The following EPHA8 variants were observed in gnomAD, a reference collection of about 807,000 sequenced individuals.
EPHA8 encodes the protein ephrin type-A receptor 8.
Under a neutral mutation model 103.6 loss-of-function variants are expected in EPHA8, and 58 were observed. The ratio of observed to expected loss-of-function variants is 0.56; its 90% confidence interval spans 0.45 to 0.70. The LOEUF is 0.70. Among genes scored for constraint, EPHA8 ranks in the 30% least tolerant of loss-of-function variants. The probability of loss-of-function intolerance (pLI) is 0.00; values close to 1 mark genes in which losing one functional copy is unlikely to be tolerated. For synonymous variants in EPHA8, 559 were observed against 572.5 expected (o/e 0.98, Z 0.34); for missense variants, 1,304 against 1,395.2 (o/e 0.93, Z 1.04).
In EPHA8 at chr1:22,586,781, G is replaced by C. The variant is rs1041884941; in HGVS notation, c.979+146G>C. ...CTTGAGCCAGAGGCCAGTCTGAGGT[G>C]GGGGGGGTGACTCTGATCCCTCCAC... On this transcript the variant is annotated intron_variant, in intron 4 of 16. Coordinates refer to ENST00000166244, the MANE Select transcript of EPHA8 (RefSeq NM_020526.5). 24 of 898,676 alleles carry C rather than the reference G, an allele frequency of 2.7e-5. 1 individual carries two copies. In the South Asian group the frequency reaches 3.1e-4, roughly 12 times the overall value. The allele number at this position is 898,676 out of a possible 1,614,324, so 55.7% of individuals were successfully genotyped here.
Position 22,569,366 on chromosome 1 carries a change from C to A in EPHA8, c.159+13C>A. On this transcript the variant is annotated intron_variant, in intron 2 of 16. Coordinates refer to ENST00000166244, the MANE Select transcript of EPHA8 (RefSeq NM_020526.5). This position sits in a 1 kb window ranked among gnomAD's most constrained non-coding sequence, Gnocchi z 4.5. Reference sequence around the variant, plus strand: ...TCCGGCTCATGGGGTGAGTGATGGGCACTGGGGACAACGTCATCCCTCTGT... The same window carrying A: ...TCCGGCTCATGGGGTGAGTGATGGGAACTGGGGACAACGTCATCCCTCTGT... 1 of 1,579,186 alleles carries A rather than the reference C, an allele frequency of 6.3e-7. No individual in the cohort carries two copies. Among genetic ancestry groups the A allele is most frequent in the Admixed American group, 1.8e-5 (1 of 56,298 alleles).
intron 2 of EPHA8, among the ~76,000 whole-genome samples, chr1:22,575,859 G>T (rs1000751544): frequency 1.3e-5 from 2 of 152,132 alleles, no homozygotes; most frequent in East Asian, 1.9e-4. Flanking sequence ...CCCCAGGCAA[G>T]TTCTCCCACT....
intron 5 of EPHA8, among the ~76,000 whole-genome samples, chr1:22,592,111 T>C (rs188814790): frequency 6.6e-6 from 1 of 152,250 alleles, no homozygotes. Context: ...TGTGGAGGAC[T>C]GTGCTCAAAG....
Position 22,588,821 on chromosome 1 carries a change from G to C in EPHA8, c.980-50G>C, listed in dbSNP as rs769422050. ...CCCAGGTCTGATGATAGGAAGACAG[G>C]ACAGCCCAAATAAATAACCACTGCC... On this transcript the variant is annotated intron_variant, in intron 4 of 16. Transcript: ENST00000166244. 7 of 1,531,214 alleles carry C rather than the reference G, an allele frequency of 4.6e-6. No individual in the cohort carries two copies. The East Asian group carries it at 1.4e-4, about 30-fold the overall frequency. The allele number at this position is 1,531,214 out of a possible 1,614,324, so 94.9% of individuals were successfully genotyped here.
At chr1:22,586,388 C>A in intron 3 of EPHA8, 92 bp from the exon 4 acceptor site, 2 of 1,484,708 alleles carry the variant, frequency 1.3e-6, no homozygotes, top group East Asian at 2.3e-5. Context: ...CTGGGGCACC[C>A]CCCAGGAAGC....
intron 13 of EPHA8, among the ~76,000 whole-genome samples, chr1:22,600,086 A>G (rs1570037746): frequency 2.2e-5 from 2 of 89,408 alleles, no homozygotes; most frequent in Non-Finnish European, 4.3e-5. Context: ...GAAGGAAGGG[A>G]GGGAGGGAGG....
rs1641556829 is a variant in EPHA8 at position 22,597,603 on chromosome 1, G to A, written c.1931-73G>A. On this transcript the variant is annotated intron_variant, in intron 10 of 16. Coordinates refer to ENST00000166244, the MANE Select transcript of EPHA8 (RefSeq NM_020526.5). The surrounding 1 kb of genome is among the most constrained non-coding windows in gnomAD (Gnocchi z 4.6). Reference sequence around the variant, plus strand: ...GGTCTGGCAAGCCCAGGGGGTCCAAGGGCCTGGGAGGCTGGGGGAGTCTGA... The same window carrying A: ...GGTCTGGCAAGCCCAGGGGGTCCAAAGGCCTGGGAGGCTGGGGGAGTCTGA... 3.2e-6 allele frequency: 5 copies of A among 1,548,916 alleles called. No individual in the cohort carries two copies. In the African/African-American group the frequency reaches 6.8e-5, roughly 21 times the overall value.
In EPHA8 at chr1:22,602,967, G is replaced by C. The variant is rs1014089238; in HGVS notation, c.*1226G>C. The C allele has an allele frequency of 1.3e-5, 2 of 152,444 alleles. No individual in the cohort carries two copies. Among genetic ancestry groups the C allele is most frequent in the East Asian group, 1.9e-4 (1 of 5,188 alleles). 9.4% of individuals were successfully genotyped at this position (152,444 alleles called of 1,614,324 possible). A position where few individuals can be genotyped will look rare whatever the true frequency, so the allele number is the denominator to read the frequency against. On this transcript the variant is annotated 3_prime_UTR_variant, in exon 17 of 17. Coordinates refer to ENST00000166244, the MANE Select transcript of EPHA8 (RefSeq NM_020526.5). ...GACCTCCCCCCTTACGGCCCACCAG[G>C]GTATGTAAATATCTCTTTTCTACCA...
At chr1:22,581,850 C>T (rs1641055728) in intron 3 of EPHA8, among the ~76,000 whole-genome samples, 1 of 152,116 alleles carries the variant, frequency 6.6e-6, no homozygotes, top group Non-Finnish European at 1.5e-5. Context: ...AACGGAAAGC[C>T]CGTTTTAAGT....
At chr1:22,599,650 GGAAGGAAA>G in intron 13 of EPHA8, among the ~76,000 whole-genome samples, 3 of 71,636 alleles carry the variant, frequency 4.2e-5, no homozygotes, top group African/African-American at 2.6e-4. Flanking sequence ...AGGGAGGGAA[GGAAGGAAA>G]GGAGGGAGGG....
At chr1:22,592,605 G>C (rs1182304886) in intron 5 of EPHA8, among the ~76,000 whole-genome samples, 1 of 152,202 alleles carries the variant, frequency 6.6e-6, no homozygotes, top group Non-Finnish European at 1.5e-5. Flanking sequence ...GGTTGTGCTG[G>C]GGATGCCCAG....
rs546605505 is a variant in EPHA8, at chr1:22,579,055, A to ATGTG, written c.823+2178_823+2179insGTGT. ...TGTATGCATGTGTGTGCATTTGTGCATGTATGTATGCATGTGTGTGCATGT... is the reference window on the plus strand; with the variant it reads ...TGTATGCATGTGTGTGCATTTGTGCATGTGTGTATGTATGCATGTGTGTGCATGT... On this transcript the variant is annotated intron_variant, in intron 3 of 16. Transcript: ENST00000166244. Among the ~76,000 whole-genome samples the ATGTG allele has an allele frequency of 6.9e-3, 944 of 137,750 alleles. 8 individuals are homozygous for ATGTG. Among genetic ancestry groups the ATGTG allele is most frequent in the East Asian group, 0.032 (122 of 3,770 alleles). The allele number at this position is 137,750 out of a possible 152,430, so 90.4% of individuals were successfully genotyped here. A position where few individuals can be genotyped will look rare whatever the true frequency, so the allele number is the denominator to read the frequency against.
chr1:22,568,425 A>G (rs1024334579), intron 1 of EPHA8, among the ~76,000 whole-genome samples: 1 of 152,150 alleles, frequency 6.6e-6, no homozygotes, highest in African/African-American at 2.4e-5. Flanking sequence ...CCGAGCATCC[A>G]GGGATGGTGG....
chr1:22,578,921 GT>G (rs1640925376), intron 3 of EPHA8, among the ~76,000 whole-genome samples: 1 of 151,068 alleles, frequency 6.6e-6, no homozygotes, highest in Non-Finnish European at 1.5e-5. Flanking sequence ...ATGCATGTGC[GT>G]TTATGTGTGC....
chr1:22,589,153 T>C lies in EPHA8; in HGVS notation c.1262T>C (p.Leu421Pro), dbSNP rs1557572372. 6 of 1,613,846 alleles carry C rather than the reference T, an allele frequency of 3.7e-6. No homozygotes were observed. Among genetic ancestry groups the C allele is most frequent in the Non-Finnish European group, 5.1e-6 (6 of 1,179,960 alleles). The change falls in exon 5 of 17, where the codon CTG (leucine) becomes CCG (proline). Residue 421 changes from leucine (L) to proline (P), a missense_variant. Transcript: ENST00000166244. The surrounding 1 kb of genome is among the most constrained non-coding windows in gnomAD (Gnocchi z 4.3). ...GAGGCCGTCAATGGCGTGTCCGACCTGAGCCCCGAGCCCCGCCGGGCCGCT... is the reference window on the plus strand; with the variant it reads ...GAGGCCGTCAATGGCGTGTCCGACCCGAGCCCCGAGCCCCGCCGGGCCGCT... ...WIEAVNGVSDLSPEPRRAAVV... is the reference protein window; with the variant it reads ...WIEAVNGVSDPSPEPRRAAVV...
chr1:22,587,477 C>G (rs1327385748), intron 4 of EPHA8, among the ~76,000 whole-genome samples: 1 of 152,180 alleles, frequency 6.6e-6, no homozygotes, highest in East Asian at 1.9e-4. Flanking sequence ...CCCTGTGGAC[C>G]TGAAGGTATG....
At chr1:22,593,040 G>A (rs1641414300) in intron 5 of EPHA8, among the ~76,000 whole-genome samples, 1 of 152,152 alleles carries the variant, frequency 6.6e-6, no homozygotes, top group East Asian at 1.9e-4. Flanking sequence ...GCTGGTCCAT[G>A]CCGGGCCCTG....
At position 22,602,048 on chromosome 1, in the gene EPHA8, G is replaced by A. The variant is rs986171206; in HGVS notation, c.*307G>A. On this transcript the variant is annotated 3_prime_UTR_variant, in exon 17 of 17. Transcript: ENST00000166244. Reference sequence around the variant, plus strand: ...ACATCACTCGCCTGCCTCTGTGTGCGTGCATGTGTGTGTGTGGTGGGGGGT... The same window carrying A: ...ACATCACTCGCCTGCCTCTGTGTGCATGCATGTGTGTGTGTGGTGGGGGGT... 42 of 499,806 alleles carry A rather than the reference G, an allele frequency of 8.4e-5. 1 individual carries two copies. Among genetic ancestry groups the A allele is most frequent in the East Asian group, 7.2e-4 (20 of 27,706 alleles). 31.0% of individuals were successfully genotyped at this position (499,806 alleles called of 1,614,324 possible).
Position 22,600,795 on chromosome 1 carries a change from C to A in EPHA8, c.2523C>A (p.Asn841Lys). ...VLAYGERPYW[N>K]MTNRDVISSV... is the part of the protein sequence containing the mutation. ...CCTATGGGGAGCGGCCCTACTGGAA[C>A]ATGACCAACCGGGATGTGAGTGCCA... is the stretch of plus-strand genomic sequence containing the variant. Residue 841 changes from asparagine to lysine, a missense_variant, in exon 14 of 17, where the codon AAC (asparagine) becomes AAA (lysine). By Grantham distance (94) the Asn-to-Lys change is moderately conservative (BLOSUM62 0). Coordinates refer to ENST00000166244, the MANE Select transcript of EPHA8 (RefSeq NM_020526.5). 1 of 1,608,206 alleles carries A rather than the reference C, an allele frequency of 6.2e-7. No homozygotes were observed. Among genetic ancestry groups the A allele is most frequent in the South Asian group, 1.1e-5 (1 of 90,198 alleles).
Sources: allele counts gnomAD v4.1 joint callset (sites outside exome capture counted in the v4.1 genomes callset), GRCh38; gene constraint gnomAD v4.1.1; non-coding constraint Gnocchi (gnomAD v3.1); transcripts MANE v1.5; gene names NCBI Gene and HGNC (gene_info 2026-07-23, HGNC 2026-07-21).